Variants in WEE2 observed in about 807,000 individuals in gnomAD.
WEE2 encodes the protein wee1-like protein kinase 2.
In WEE2, 50 loss-of-function variants were observed where a neutral mutation model predicts 60.1. The observed-to-expected ratio is 0.83, with a 90% CI of 0.66 to 1.05. WEE2 has a LOEUF of 1.05. Among genes scored for constraint, WEE2 ranks in the 50% least tolerant of loss-of-function variants. WEE2 has a pLI of 0.00. For missense variants in WEE2, 631 were observed against 684.3 expected (o/e 0.92, Z 0.87); for synonymous variants, 240 against 241.0 (o/e 1.00, Z 0.04).
At chr7:141,714,502 A>T (rs1798764707) in intron 2 of WEE2, 97 bp downstream of exon 2, 1 of 947,922 alleles carries the variant, frequency 1.1e-6, no homozygotes, top group Non-Finnish European at 1.6e-6. Context: ...CGAGAACTCT[A>T]TTTGAATGAA....
At chr7:141,724,664 A>G (rs1798979352) in intron 8 of WEE2, among the ~76,000 whole-genome samples, 1 of 152,236 alleles carries the variant, frequency 6.6e-6, no homozygotes, top group Non-Finnish European at 1.5e-5. Flanking sequence ...GTCATTGCCC[A>G]TCTTCTCCAA....
chr7:141,724,266 T>G lies in WEE2; in HGVS notation c.1212T>G (p.Ile404Met). 6.2e-7 allele frequency: 1 copy of G among 1,613,580 alleles called. No homozygotes were observed. The highest frequency in any genetic ancestry group is 1.1e-5 in the South Asian group (1 of 90,922). ...EGDSRFLANE[I>M]LQEDYRHLPK... ...ATAGTCGCTTCCTGGCTAATGAGAT[T>G]TTGCAAGAGGTATAGATTAGGGAAA... The change falls in exon 8 of 12, where the codon ATT becomes ATG. Residue 404 changes from isoleucine (I) to methionine (M), a missense_variant. Coordinates refer to ENST00000397541, the MANE Select transcript of WEE2 (RefSeq NM_001105558.1).
At chr7:141,729,729 C>T (rs1799095470) in intron 11 of WEE2, 56 bp downstream of exon 11, 4 of 1,562,072 alleles carry the variant, frequency 2.6e-6, no homozygotes, top group African/African-American at 2.7e-5. Flanking sequence ...TGGCTCACGC[C>T]TGTAATCCCA....
Position 141,716,202 on chromosome 7 carries a change from C to CTTTT in WEE2, c.540-14_540-11dup. On this transcript the variant is annotated intron_variant, in intron 2 of 11. Transcript: ENST00000397541. ...TAAATATTAATTATATATTGATAAACTTTTTTTTTCTTTTTTAAGTGAGGA... is the reference window on the plus strand; with the variant it reads ...TAAATATTAATTATATATTGATAAACTTTTTTTTTTTTTCTTTTTTAAGTGAGGA... 6.3e-7 allele frequency: 1 copy of CTTTT among 1,596,592 alleles called. No homozygotes were observed. The highest frequency in any genetic ancestry group is 8.6e-7 in the Non-Finnish European group (1 of 1,168,418).
At chr7:141,724,973 T>C (rs1267300272) in intron 8 of WEE2, 53 bp from the exon 9 acceptor site, 11 of 1,576,454 alleles carry the variant, frequency 7.0e-6, no homozygotes, top group Non-Finnish European at 8.6e-6. Context: ...TATTTTAATC[T>C]AGACTCACCC....
Position 141,708,725 on chromosome 7 carries a change from CTTT to C in WEE2, c.-31_-29del. ...TTCACAGCGTTCCCTTCTGATAGAG[CTTT>C]TTGTCTGTGTTGTAAAGCTCTTTGG... On this transcript the variant is annotated 5_prime_UTR_variant, in exon 1 of 12. Transcript: ENST00000397541. 1 of 1,573,742 alleles carries C rather than the reference CTTT, an allele frequency of 6.4e-7. No individual in the cohort carries two copies. Among genetic ancestry groups the C allele is most frequent in the Non-Finnish European group, 8.7e-7 (1 of 1,152,832 alleles).
At chr7:141,715,295 C>G (rs915998252) in intron 2 of WEE2, among the ~76,000 whole-genome samples, 2 of 152,206 alleles carry the variant, frequency 1.3e-5, no homozygotes, top group African/African-American at 4.8e-5. Flanking sequence ...AATCATTATA[C>G]TCTCACCGAA....
At chr7:141,712,292 ATGTT>A (rs1399805866) in intron 1 of WEE2, among the ~76,000 whole-genome samples, 1 of 152,112 alleles carries the variant, frequency 6.6e-6, no homozygotes, top group African/African-American at 2.4e-5. Context: ...CCAAGATACT[ATGTT>A]TGTGTTTTTG....
chr7:141,724,907 A>G (rs1798983512), intron 8 of WEE2, 119 bp from the exon 9 acceptor site: 1 of 1,122,574 alleles, frequency 8.9e-7, no homozygotes, highest in African/African-American at 1.6e-5. Context: ...TGTATCTTTG[A>G]CCGTCGTGTC....
Position 141,720,956 on chromosome 7 carries a change from T to G in WEE2, c.780T>G (p.Val260=). The change falls in exon 5 of 12, where the codon GTT becomes GTG. Residue 260 remains valine (V), a synonymous_variant. Transcript: ENST00000397541. Reference sequence around the variant, plus strand: ...ATAGGAATTCGGCTTTGCATGAAGTTTATGCTCACGCAGTGCTTGGGCATC... The same window carrying G: ...ATAGGAATTCGGCTTTGCATGAAGTGTATGCTCACGCAGTGCTTGGGCATC... ...LSNENSALHE[V]YAHAVLGHHP... The G allele has an allele frequency of 6.2e-7, 1 of 1,613,784 alleles. No homozygotes were observed. Among genetic ancestry groups the G allele is most frequent in the Non-Finnish European group, 8.5e-7 (1 of 1,179,650 alleles).
At position 141,725,101 on chromosome 7, in the gene WEE2, T is replaced by C. The variant is rs1450070357; in HGVS notation, c.1297T>C (p.Leu433=). 3 of 1,614,116 alleles carry C rather than the reference T, an allele frequency of 1.9e-6. No homozygotes were observed. The highest frequency in any genetic ancestry group is 1.3e-5 in the African/African-American group (1 of 74,952). Residue 433 remains leucine, a synonymous_variant, in exon 9 of 12, where the codon TTG becomes CTG. Transcript: ENST00000397541. The part of the protein sequence containing the change: ...TIAVAAGAES[L]PTNGAAWHHI... The stretch of plus-strand genomic sequence containing the variant: ...TGCAGTGGCTGCAGGAGCAGAGTCA[T>C]TGCCCACCAATGGTGCTGCATGGCA...
chr7:141,712,183 T>C (rs1798719832), intron 1 of WEE2, among the ~76,000 whole-genome samples: 1 of 152,192 alleles, frequency 6.6e-6, no homozygotes, highest in Non-Finnish European at 1.5e-5. Flanking sequence ...CTCATCATAT[T>C]GACTGGGCCT....
Position 141,724,038 on chromosome 7 carries a change from G to T in WEE2, c.1125G>T (p.Met375Ile). The stretch of plus-strand genomic sequence containing the variant: ...ATTGGTTTCTCTCTGCCAATGTGAT[G>T]TATAAAATTGGTTAGTCTGCCTTAT... ...EADWFLSANV[M>I]YKIGDLGHAT... Residue 375 changes from methionine (M) to isoleucine (I), a missense_variant, in exon 7 of 12, where the codon ATG becomes ATT. Physicochemically the swap from Met to Ile is conservative, Grantham distance 10. Coordinates refer to ENST00000397541, the MANE Select transcript of WEE2 (RefSeq NM_001105558.1). 1 of 1,611,568 alleles carries T rather than the reference G, an allele frequency of 6.2e-7. No homozygotes were observed. Among genetic ancestry groups the T allele is most frequent in the East Asian group, 2.2e-5 (1 of 44,812 alleles).
chr7:141,727,114 T>C (rs1414364993), intron 9 of WEE2, 190 bp from the exon 10 acceptor site: 14 of 558,848 alleles, frequency 2.5e-5, no homozygotes, highest in Non-Finnish European at 3.8e-5. Flanking sequence ...TGTGGACAAC[T>C]GGTGCTACCA....
At chr7:141,729,945 A>C (rs993009804) in intron 11 of WEE2, among the ~76,000 whole-genome samples, 84 of 149,660 alleles carry the variant, frequency 5.6e-4, no homozygotes, top group African/African-American at 2.0e-3. Context: ...CTGAGATCAC[A>C]CCACTGCACT....
intron 1 of WEE2, among the ~76,000 whole-genome samples, 153 bp downstream of exon 1, chr7:141,709,253 A>C (rs1251530939): frequency 6.6e-6 from 1 of 152,218 alleles, no homozygotes; most frequent in East Asian, 1.9e-4. Flanking sequence ...GAAGAAATTA[A>C]AATTACCAGA....
rs561956759 is a variant in WEE2, at chr7:141,719,427, C to T, written c.758+183C>T. On this transcript the variant is annotated intron_variant, in intron 4 of 11. Coordinates refer to ENST00000397541, the MANE Select transcript of WEE2 (RefSeq NM_001105558.1). ...GTTTTCCAGCTCAGAGATGTTACTTCCTAAAATACAACACGATCATTTTAG... is the reference window on the plus strand; with the variant it reads ...GTTTTCCAGCTCAGAGATGTTACTTTCTAAAATACAACACGATCATTTTAG... Among the ~76,000 whole-genome samples the T allele has an allele frequency of 1.4e-4, 22 of 152,252 alleles. No individual in the cohort carries two copies. The South Asian group carries it at 3.9e-3, about 27-fold the overall frequency.
rs1314164372 is a variant in WEE2 at position 141,730,843 on chromosome 7, AT to A, written c.*527del. On this transcript the variant is annotated 3_prime_UTR_variant, in exon 12 of 12. Transcript: ENST00000397541. ...TTTGTTTCCTGTTTTTTAAAATCAT[AT>A]TTTATCTAAATCCTTTTTCTGTACA... 9 of 152,438 alleles carry A rather than the reference AT, an allele frequency of 5.9e-5. No homozygotes were observed. The highest frequency in any genetic ancestry group is 1.9e-4 in the African/African-American group (8 of 41,568). 9.4% of individuals were successfully genotyped at this position (152,438 alleles called of 1,614,324 possible). A position where few individuals can be genotyped will look rare whatever the true frequency, so the allele number is the denominator to read the frequency against.
rs755662789 is a variant in WEE2 at position 141,709,042 on chromosome 7, C to A, written c.284C>A (p.Pro95Gln). ...VSHPLKCPET[P>Q]AQPDSRSKLL... ...CACCCTCTCAAATGTCCTGAGACACCAGCCCAACCAGACAGCAGGAGCAAG... is the reference window on the plus strand; with the variant it reads ...CACCCTCTCAAATGTCCTGAGACACAAGCCCAACCAGACAGCAGGAGCAAG... The change falls in exon 1 of 12, where the codon CCA becomes CAA. Residue 95 changes from proline (P) to glutamine (Q), a missense_variant. Physicochemically the swap from Pro to Gln is moderately conservative, Grantham distance 76. Coordinates refer to ENST00000397541, the MANE Select transcript of WEE2 (RefSeq NM_001105558.1). 1.2e-6 allele frequency: 2 copies of A among 1,613,998 alleles called. No homozygotes were observed. Among genetic ancestry groups the A allele is most frequent in the Middle Eastern group, 3.3e-4 (2 of 6,084 alleles).
Sources: allele counts gnomAD v4.1 joint callset (sites outside exome capture counted in the v4.1 genomes callset), GRCh38; gene constraint gnomAD v4.1.1; transcripts MANE v1.5; gene names NCBI Gene and HGNC (gene_info 2026-07-23, HGNC 2026-07-21).